TMPRSS15: variants seen among roughly 807,000 people sequenced by gnomAD.
TMPRSS15 encodes the protein transmembrane serine protease 15.
TMPRSS15 carries 128 observed loss-of-function variants against 125.3 expected under a neutral mutation model. The observed-to-expected ratio is 1.02, with a 90% CI of 0.89 to 1.18. The LOEUF (loss-of-function observed/expected upper bound fraction) is 1.18, where lower values mean the gene tolerates loss of function less well. TMPRSS15 is among the 50% of genes most tolerant of loss of function. The pLI, the probability that TMPRSS15 is intolerant of heterozygous loss-of-function variation, is 0.00. For missense variants in TMPRSS15, 1,283 were observed against 1,212.7 expected, an observed-to-expected ratio of 1.06 and a Z score of -0.86; for synonymous variants, 446 against 423.2, an observed-to-expected ratio of 1.05 and a Z score of -0.66.
chr21:18,329,722 T>C (rs1447888663), intron 14 of TMPRSS15, among the ~76,000 whole-genome samples: 1 of 151,574 alleles, frequency 6.6e-6, no homozygotes, highest in Non-Finnish European at 1.5e-5. Flanking sequence ...GCTTTAATAT[T>C]TATTTTAAAA....
At chr21:18,347,213 A>T (rs2075518128) in intron 10 of TMPRSS15, among the ~76,000 whole-genome samples, 1 of 151,564 alleles carries the variant, frequency 6.6e-6, no homozygotes, top group African/African-American at 2.4e-5. Flanking sequence ...TACTTCTCTG[A>T]TGTCATTCGG....
intron 15 of TMPRSS15, among the ~76,000 whole-genome samples, chr21:18,327,729 T>G (rs2075306504): frequency 1.3e-5 from 2 of 151,684 alleles, no homozygotes; most frequent in South Asian, 4.2e-4. Flanking sequence ...ATAAAACACT[T>G]TTTTTGTGTG....
At chr21:18,371,688 G>T (rs1184696448) in intron 6 of TMPRSS15, among the ~76,000 whole-genome samples, 1 of 152,040 alleles carries the variant, frequency 6.6e-6, no homozygotes. Context: ...AACTACAAGA[G>T]GCAAATAAAA....
chr21:18,280,596 CA>C (rs1246672347), intron 22 of TMPRSS15, among the ~76,000 whole-genome samples: 1 of 102,146 alleles, frequency 9.8e-6, no homozygotes, highest in African/African-American at 4.5e-5. Flanking sequence ...AAAAAAAAAA[CA>C]ACAAAACAAC....
intron 3 of TMPRSS15, among the ~76,000 whole-genome samples, chr21:18,388,259 C>G (rs1423213486): frequency 1.3e-5 from 2 of 152,110 alleles, no homozygotes; most frequent in African/African-American, 4.8e-5. Context: ...TTGTCAAGGT[C>G]TGGGCACGGT....
intron 10 of TMPRSS15, 58 bp downstream of exon 10, chr21:18,352,845 C>T: frequency 6.4e-7 from 1 of 1,574,678 alleles, no homozygotes; most frequent in Admixed American, 1.7e-5. Flanking sequence ...ACACATACCT[C>T]TTTCCTTTTG....
chr21:18,379,191 C>A, intron 5 of TMPRSS15, 92 bp downstream of exon 5: 2 of 507,264 alleles, frequency 3.9e-6, no homozygotes, highest in Non-Finnish European at 3.3e-6. Flanking sequence ...ATATTTATTG[C>A]TAAGGCACCA....
chr21:18,456,398 A>G (rs1978441931), intron 1 of TMPRSS15, among the ~76,000 whole-genome samples: 1 of 152,152 alleles, frequency 6.6e-6, no homozygotes, highest in South Asian at 2.1e-4. Context: ...GATTAAAATG[A>G]TGTTATTTAT....
intron 1 of TMPRSS15, among the ~76,000 whole-genome samples, chr21:18,418,393 G>C (rs535063921): frequency 6.6e-6 from 1 of 152,272 alleles, no homozygotes; most frequent in East Asian, 1.9e-4. Context: ...CAGTACTGTG[G>C]AATACTAACA....
At chr21:18,400,839 G>C (rs902701871) in intron 1 of TMPRSS15, among the ~76,000 whole-genome samples, 32 of 152,036 alleles carry the variant, frequency 2.1e-4, no homozygotes, top group African/African-American at 7.7e-4. Flanking sequence ...ATCTGACAAG[G>C]TCTAATATCC....
chr21:18,359,048 G>A lies in TMPRSS15; in HGVS notation c.880+709C>T, dbSNP rs138147195. Among the ~76,000 whole-genome samples, 29 of 152,034 alleles carry A rather than the reference G, an allele frequency of 1.9e-4. No homozygotes were observed. In the East Asian group the frequency reaches 2.7e-3, roughly 14 times the overall value. ...GAAAACTAGTTATTCCCTTGGCTTCGTTTCCACATTCTCTACCTCATCCTC... is the reference window on the plus strand; with the variant it reads ...GAAAACTAGTTATTCCCTTGGCTTCATTTCCACATTCTCTACCTCATCCTC... On this transcript the variant is annotated intron_variant, in intron 8 of 24. Coordinates refer to ENST00000284885, the MANE Select transcript of TMPRSS15 (RefSeq NM_002772.3).
intron 15 of TMPRSS15, 85 bp from the exon 16 acceptor site, chr21:18,326,657 C>A: frequency 6.6e-7 from 1 of 1,510,968 alleles, no homozygotes; most frequent in South Asian, 1.1e-5. Context: ...TTCCCTCTGC[C>A]AGACGTAGGG....
intron 1 of TMPRSS15, among the ~76,000 whole-genome samples, chr21:18,445,450 G>A (rs1346051730): frequency 2.6e-5 from 4 of 152,048 alleles, no homozygotes; most frequent in Admixed American, 6.6e-5. Flanking sequence ...CAAAGTGCTC[G>A]AATTGTAGGC....
At chr21:18,405,142 A>C (rs951830152), upstream of TMPRSS15, among the ~76,000 whole-genome samples, 1 of 152,112 alleles carries the variant, frequency 6.6e-6, no homozygotes, top group Non-Finnish European at 1.5e-5. Context: ...ATAGCGCTTT[A>C]AGTTACATTT....
upstream of TMPRSS15, among the ~76,000 whole-genome samples, chr21:18,408,527 A>G (rs1261611093): frequency 2.6e-5 from 4 of 152,168 alleles, no homozygotes; most frequent in Non-Finnish European, 5.9e-5. Flanking sequence ...TGATGGTTCC[A>G]AGTTGATATG....
chr21:18,437,736 C>T (rs1468422308), intron 1 of TMPRSS15, among the ~76,000 whole-genome samples: 1 of 152,208 alleles, frequency 6.6e-6, no homozygotes, highest in East Asian at 1.9e-4. Context: ...TGCTCATCAT[C>T]ACTGGCCATC....
chr21:18,365,159 C>A lies in TMPRSS15; in HGVS notation c.754G>T (p.Val252Phe). ...TATTACCGTATGATCCACTGGCAGACAACACTTGTTTCAGAAGGTTTTGGA... is the reference window on the plus strand; with the variant it reads ...TATTACCGTATGATCCACTGGCAGAAAACACTTGTTTCAGAAGGTTTTGGA... The part of the protein sequence containing the change: ...HYPKPSETSV[V>F]CQWIIRVNQG... The change falls in exon 7 of 25, where the codon GTC (valine) becomes TTC (phenylalanine). Residue 252 changes from valine to phenylalanine, a missense_variant. Physicochemically the swap from Val to Phe is conservative, Grantham distance 50. Coordinates refer to ENST00000284885, the MANE Select transcript of TMPRSS15 (RefSeq NM_002772.3). The A allele has an allele frequency of 6.2e-7, 1 of 1,613,982 alleles. No homozygotes were observed. The highest frequency in any genetic ancestry group is 8.5e-7 in the Non-Finnish European group (1 of 1,179,936).
chr21:18,447,364 C>T (rs540176078), intron 1 of TMPRSS15, among the ~76,000 whole-genome samples: 11 of 135,060 alleles, frequency 8.1e-5, no homozygotes, highest in South Asian at 7.5e-4. Context: ...TGCTTGAACC[C>T]GGGAGGCAGA....
rs2122955537 is a variant in TMPRSS15 at position 18,465,503 on chromosome 21, T to C, written c.10+20296A>G. On this transcript the variant is annotated intron_variant, in intron 1 of 7. Transcript: ENST00000422787. The stretch of plus-strand genomic sequence containing the variant: ...TTTGCAGATGAAATCATTGTGTATT[T>C]AGAAAACCCCATTGTCTCGGCCTAA... Among the ~76,000 whole-genome samples the C allele has an allele frequency of 2.0e-5, 3 of 152,284 alleles. No individual in the cohort carries two copies. In the East Asian group the frequency reaches 5.8e-4, roughly 29 times the overall value.
Sources: gnomAD v4.1 joint callset for allele counts (sites outside exome capture counted in the v4.1 genomes callset) on GRCh38, gnomAD v4.1.1 for gene constraint, MANE v1.5 for transcripts, NCBI Gene and HGNC (gene_info 2026-07-23, HGNC 2026-07-21) for gene names.